Variants in PPP4R3B observed in about 807,000 individuals in gnomAD.
The protein encoded by PPP4R3B is serine/threonine-protein phosphatase 4 regulatory subunit 3B.
A neutral mutation model predicts 95.4 loss-of-function variants in PPP4R3B; 52 were observed. That is an observed-to-expected ratio of 0.54 (90% CI 0.44 to 0.69). The LOEUF (loss-of-function observed/expected upper bound fraction) is 0.69. PPP4R3B is among the 30% of genes least tolerant of loss of function. The probability of loss-of-function intolerance (pLI) is 0.00; values close to 1 mark genes in which losing one functional copy is unlikely to be tolerated. For synonymous variants in PPP4R3B, 407 were observed against 343.9 expected (o/e 1.18, Z -2.03); for missense variants, 1,003 against 1,005.9 (o/e 1.00, Z 0.04).
At chr2:55,562,216 G>C (rs1007994941) in intron 15 of PPP4R3B, among the ~76,000 whole-genome samples, 3 of 152,134 alleles carry the variant, frequency 2.0e-5, no homozygotes, top group African/African-American at 7.2e-5. Flanking sequence ...GAGACCAGGA[G>C]TTCAAGACCA....
intron 6 of PPP4R3B, 56 bp downstream of exon 6, chr2:55,586,562 A>G (rs965291701): frequency 1.3e-5 from 13 of 985,128 alleles, no homozygotes; most frequent in East Asian, 2.4e-5. Context: ...CATCCATAAC[A>G]TAAGTGTATT....
chr2:55,607,433 TG>T (rs1325521322), intron 2 of PPP4R3B, among the ~76,000 whole-genome samples: 5 of 152,356 alleles, frequency 3.3e-5, no homozygotes, highest in Middle Eastern at 3.4e-3. Flanking sequence ...TCCTTGGATT[TG>T]ATTAATTTGC....
chr2:55,586,475 T>C (rs536944958), intron 6 of PPP4R3B, 143 bp downstream of exon 6: 2 of 514,544 alleles, frequency 3.9e-6, no homozygotes, highest in South Asian at 6.9e-5. Context: ...AATAAAAATC[T>C]GAAACTGAAG....
At chr2:55,603,287 A>G (rs989913151) in intron 3 of PPP4R3B, among the ~76,000 whole-genome samples, 15 of 152,214 alleles carry the variant, frequency 9.9e-5, no homozygotes, top group African/African-American at 3.6e-4. Context: ...ACATGTATTA[A>G]AAAGTAGGTG....
chr2:55,604,649 G>T (rs974358195), intron 2 of PPP4R3B, among the ~76,000 whole-genome samples: 2 of 152,048 alleles, frequency 1.3e-5, no homozygotes, highest in Non-Finnish European at 2.9e-5. Flanking sequence ...TTAGCTTAGG[G>T]TGTAGAAAAA....
chr2:55,559,648 C>G (rs1045619652), intron 15 of PPP4R3B, among the ~76,000 whole-genome samples: 1 of 152,190 alleles, frequency 6.6e-6, no homozygotes, highest in Non-Finnish European at 1.5e-5. Context: ...CCATGTAACA[C>G]ATGCCTTGTT....
chr2:55,573,886 C>CA, intron 11 of PPP4R3B, 109 bp from the exon 12 acceptor site: 17 of 277,154 alleles, frequency 6.1e-5, no homozygotes, highest in Non-Finnish European at 8.7e-5. Flanking sequence ...GTATTTCCTC[C>CA]TTTTTTTTTT....
chr2:55,580,777 A>G (rs541509079), intron 8 of PPP4R3B, among the ~76,000 whole-genome samples: 2 of 152,342 alleles, frequency 1.3e-5, no homozygotes, highest in South Asian at 2.1e-4. Flanking sequence ...GAAATTTTAT[A>G]AAGAAAAATA....
intron 2 of PPP4R3B, among the ~76,000 whole-genome samples, chr2:55,613,648 A>G (rs1397957566): frequency 1.3e-5 from 2 of 152,146 alleles, no homozygotes; most frequent in Non-Finnish European, 1.5e-5. Flanking sequence ...AACCTACTCC[A>G]TAATGTGATG....
Position 55,615,501 on chromosome 2 carries a change from G to C in PPP4R3B, c.148C>G (p.Leu50Val), listed in dbSNP as rs368306041. Residue 50 changes from leucine (L) to valine (V), a missense_variant, in exon 2 of 17, where the codon CTA (leucine) becomes GTA (valine). Physicochemically the swap from Leu to Val is conservative, Grantham distance 32 (BLOSUM62 1). Around this residue, in one of 3 missense-constraint regions of PPP4R3B, gnomAD observed 695 missense variants for 686.2 expected, o/e 1.01. Coordinates refer to ENST00000616407, the MANE Select transcript of PPP4R3B (RefSeq NM_001122964.3). ...GGATTTATCTTTGATTCCAAGAGTA[G>C]TGATCCTGAAAGATAAAAAATAATA... ...LLVRAESDGS[L>V]LLESKINPNT... 2 of 1,583,706 alleles carry C rather than the reference G, an allele frequency of 1.3e-6. No homozygotes were observed. Among genetic ancestry groups the C allele is most frequent in the Middle Eastern group, 1.7e-4 (1 of 5,938 alleles).
At chr2:55,559,245 C>T (rs374606215) in intron 15 of PPP4R3B, among the ~76,000 whole-genome samples, 1 of 152,000 alleles carries the variant, frequency 6.6e-6, no homozygotes, top group Non-Finnish European at 1.5e-5. Flanking sequence ...ACTTGGGAGG[C>T]TGAGGCAGGA....
chr2:55,574,141 C>G (rs1246661704), intron 11 of PPP4R3B, among the ~76,000 whole-genome samples: 1 of 151,710 alleles, frequency 6.6e-6, no homozygotes, highest in Admixed American at 6.6e-5. Flanking sequence ...GATGCTCTCA[C>G]CTGAGCCTCC....
rs377587864 is a variant in PPP4R3B, at chr2:55,598,800, G to C, written c.537C>G (p.Phe179Leu). ...TGTTTTCTAGGTTCTCGCAAGCTTG[G>C]AACAGCTGCAATAGTTTTTTAATAT... ...EGYIKKLLQL[F>L]QACENLENTE... Residue 179 changes from phenylalanine (F) to leucine (L), a missense_variant, in exon 4 of 17, where the codon TTC becomes TTG. Transcript: ENST00000616407. The C allele has an allele frequency of 1.2e-6, 2 of 1,614,180 alleles. No individual in the cohort carries two copies. Among genetic ancestry groups the C allele is most frequent in the East Asian group, 2.2e-5 (1 of 44,872 alleles).
intron 7 of PPP4R3B, 114 bp downstream of exon 7, chr2:55,584,937 T>C (rs7594279): frequency 1.2e-6 from 1 of 834,936 alleles, no homozygotes; most frequent in Non-Finnish European, 1.8e-6. Context: ...GTCAGAAATC[T>C]ATTATTTTGC....
intron 2 of PPP4R3B, among the ~76,000 whole-genome samples, chr2:55,608,936 T>A (rs529086610): frequency 6.6e-6 from 1 of 152,054 alleles, no homozygotes; most frequent in Non-Finnish European, 1.5e-5. Flanking sequence ...GACTTAATCA[T>A]GCCACCGTGC....
rs58981030 is a variant in PPP4R3B at position 55,615,857 on chromosome 2, C to CAAAAAAAAAAAAAAAAAA, written c.143-369_143-352dup. 4.6e-4 allele frequency among the ~76,000 whole-genome samples: 18 copies of CAAAAAAAAAAAAAAAAAA among 39,068 alleles called. 1 individual carries two copies. The highest frequency in any genetic ancestry group is 3.1e-3 in the African/African-American group (17 of 5,534). The allele number at this position is 39,068 out of a possible 152,430, so 25.6% of individuals were successfully genotyped here. Reference sequence around the variant, plus strand: ...TGGCAACAGAGCAAGACTCTGTCTCCAAAAAAAAAAAAAAAAAAAAAAAAA... The same window carrying CAAAAAAAAAAAAAAAAAA: ...TGGCAACAGAGCAAGACTCTGTCTCCAAAAAAAAAAAAAAAAAAAAAAAAAAAAAAAAAAAAAAAAAAA... On this transcript the variant is annotated intron_variant, in intron 1 of 16. Transcript: ENST00000616407.
At position 55,581,614 on chromosome 2, in the gene PPP4R3B, G is replaced by T; in HGVS notation, c.1318C>A (p.Leu440Ile). 6.2e-7 allele frequency: 1 copy of T among 1,613,606 alleles called. No homozygotes were observed. The highest frequency in any genetic ancestry group is 1.3e-5 in the African/African-American group (1 of 75,018). Residue 440 changes from leucine (L) to isoleucine (I), a missense_variant, in exon 8 of 17, where the codon CTT becomes ATT. Around this residue, in one of 3 missense-constraint regions of PPP4R3B, gnomAD observed 695 missense variants for 686.2 expected, o/e 1.01. Coordinates refer to ENST00000616407, the MANE Select transcript of PPP4R3B (RefSeq NM_001122964.3). The part of the protein sequence containing the change: ...ELGGAVQLMG[L>I]LRTLIDPENM... ...TCTGGATCAATTAGAGTACGAAGAA[G>T]TCCCATTAACTGAACAGCGCCTCCT...
At chr2:55,594,729 C>G (rs1393098023) in intron 4 of PPP4R3B, among the ~76,000 whole-genome samples, 1 of 152,114 alleles carries the variant, frequency 6.6e-6, no homozygotes, top group Non-Finnish European at 1.5e-5. Flanking sequence ...AAATGTTTTT[C>G]TGTCAACAAG....
intron 4 of PPP4R3B, among the ~76,000 whole-genome samples, chr2:55,597,688 C>A (rs1190924973): frequency 6.6e-6 from 1 of 152,066 alleles, no homozygotes; most frequent in Non-Finnish European, 1.5e-5. Flanking sequence ...GTAATCCCAG[C>A]TACTCAGGAG....
Sources: allele counts gnomAD v4.1 joint callset (sites outside exome capture counted in the v4.1 genomes callset), GRCh38; gene constraint gnomAD v4.1.1; regional missense constraint gnomAD v4.1.1; transcripts MANE v1.5; gene names NCBI Gene and HGNC (gene_info 2026-07-23, HGNC 2026-07-21).